Variants in PTGER3 observed in about 807,000 individuals in gnomAD.
The protein encoded by PTGER3 is prostaglandin E2 receptor EP3 subtype.
A neutral mutation model predicts 34.7 loss-of-function variants in PTGER3; 22 were observed. The observed-to-expected ratio is 0.63, with a 90% CI of 0.45 to 0.91. The LOEUF (loss-of-function observed/expected upper bound fraction) is 0.91, where lower values mean the gene tolerates loss of function less well. Ranked by LOEUF, PTGER3 falls within the 40% of genes least tolerant of loss-of-function variation. The pLI, the probability that PTGER3 is intolerant of heterozygous loss-of-function variation, is 0.00. For missense variants in PTGER3, 468 were observed against 519.4 expected (o/e 0.90, Z 0.96); for synonymous variants, 241 against 230.1 (o/e 1.05, Z -0.43).
chr1:70,958,211 G>A (rs1651558618), intron 2 of PTGER3, among the ~76,000 whole-genome samples: 1 of 152,060 alleles, frequency 6.6e-6, no homozygotes, highest in Non-Finnish European at 1.5e-5. Flanking sequence ...TTTGATATAT[G>A]CCCAGTAATG....
chr1:70,868,293 C>T (rs920057671), intron 4 of PTGER3, among the ~76,000 whole-genome samples: 1 of 152,116 alleles, frequency 6.6e-6, no homozygotes, highest in African/African-American at 2.4e-5. Context: ...TCTCTATGCC[C>T]ATGGTGTTTC....
chr1:71,017,911 C>A (rs142036278), intron 1 of PTGER3, among the ~76,000 whole-genome samples: 2 of 152,152 alleles, frequency 1.3e-5, no homozygotes, highest in South Asian at 4.1e-4. Context: ...ATCACAGGCA[C>A]GTGCCACCAG....
intron 4 of PTGER3, among the ~76,000 whole-genome samples, chr1:70,896,927 C>T (rs1646732916): frequency 1.3e-5 from 2 of 152,150 alleles, no homozygotes; most frequent in African/African-American, 4.8e-5. Context: ...AATGCGGACG[C>T]TGGATTTCTT....
chr1:70,919,276 C>A (rs1483059651), intron 4 of PTGER3, among the ~76,000 whole-genome samples: 1 of 152,116 alleles, frequency 6.6e-6, no homozygotes, highest in Non-Finnish European at 1.5e-5. Flanking sequence ...TTTGCCAGTT[C>A]TTTCCTTTCT....
chr1:70,974,045 T>G (rs1334695940), intron 3 of PTGER3, among the ~76,000 whole-genome samples: 1 of 152,184 alleles, frequency 6.6e-6, no homozygotes, highest in African/African-American at 2.4e-5. Context: ...TTACAGATTC[T>G]TTCATGGCAA....
rs1660942433 is a variant in PTGER3, at chr1:71,047,357, G to T, written c.221C>A (p.Ser74Ter). 7 of 1,609,828 alleles carry T rather than the reference G, an allele frequency of 4.3e-6. No homozygotes were observed. The highest frequency in any genetic ancestry group is 5.9e-6 in the Non-Finnish European group (7 of 1,178,816). ...GCTCTCCCGGCGCCGGTAGCTGCGC[G>T]ACACGAGCAGCATGGCCAGTGCGTT... ...VGNALAMLLVSRSYRRRESKR... is the reference protein window; with the variant it reads ...VGNALAMLLV The change falls in exon 1 of 4, where the codon TCG (serine) becomes TAG (stop). Residue 74 changes from serine to a stop codon, truncating the protein, a stop_gained. Transcript: ENST00000306666. LOFTEE classifies it high-confidence loss of function.
At chr1:70,992,412 A>G (rs1378989166) in intron 2 of PTGER3, among the ~76,000 whole-genome samples, 1 of 152,246 alleles carries the variant, frequency 6.6e-6, no homozygotes, top group Non-Finnish European at 1.5e-5. Context: ...AGCCTGATAT[A>G]CACAACAGAT....
chr1:70,861,518 C>T (rs999546482), intron 4 of PTGER3, among the ~76,000 whole-genome samples: 38 of 152,136 alleles, frequency 2.5e-4, no homozygotes, highest in Non-Finnish European at 5.9e-5. Flanking sequence ...GTAGACTTTG[C>T]TAGGCTACTT....
chr1:70,962,500 C>T (rs1274784796), intron 2 of PTGER3, among the ~76,000 whole-genome samples: 1 of 152,126 alleles, frequency 6.6e-6, no homozygotes, highest in Non-Finnish European at 1.5e-5. Context: ...AAAAGACGTT[C>T]AATTGACTCA....
chr1:71,008,806 T>C (rs1657193297), intron 2 of PTGER3: 1 of 951,784 alleles, frequency 1.1e-6, no homozygotes, highest in African/African-American at 1.8e-5. Flanking sequence ...TTTGTACTTG[T>C]TATACAGATA....
chr1:70,983,231 G>A (rs928087071), intron 2 of PTGER3, among the ~76,000 whole-genome samples: 2 of 151,228 alleles, frequency 1.3e-5, no homozygotes, highest in African/African-American at 4.9e-5. Flanking sequence ...TGCTCGAGAG[G>A]GACTGCATTT....
At chr1:70,902,424 A>G (rs1200363782) in intron 4 of PTGER3, among the ~76,000 whole-genome samples, 1 of 152,216 alleles carries the variant, frequency 6.6e-6, no homozygotes, top group Non-Finnish European at 1.5e-5. Flanking sequence ...ATAAAGATGA[A>G]TGAGTCACTA....
At chr1:70,858,605 T>C (rs1645861048) in intron 4 of PTGER3, among the ~76,000 whole-genome samples, 1 of 152,176 alleles carries the variant, frequency 6.6e-6, no homozygotes, top group South Asian at 2.1e-4. Context: ...AGATTTCTTA[T>C]CTTTCAGAAA....
chr1:70,892,103 T>TAC (rs1646630350), intron 4 of PTGER3, among the ~76,000 whole-genome samples: 2 of 152,202 alleles, frequency 1.3e-5, no homozygotes, highest in African/African-American at 4.8e-5. Context: ...ATGTAACCTC[T>TAC]TGTGAAAAAT....
rs1269026496 is a variant in PTGER3, at chr1:71,032,685, T to G, written c.897+13996A>C. Among the ~76,000 whole-genome samples the G allele has an allele frequency of 2.0e-5, 3 of 152,204 alleles. No homozygotes were observed. In the East Asian group the frequency reaches 5.8e-4, roughly 29 times the overall value. The stretch of plus-strand genomic sequence containing the variant: ...CCATCTTCTATAAGGCCACCTCCAC[T>G]CTTCACACTCCTGCAATTTATGTGA... On this transcript the variant is annotated intron_variant, in intron 1 of 3. Coordinates refer to ENST00000306666, the MANE Select transcript of PTGER3 (RefSeq NM_198719.2).
chr1:70,963,488 G>A (rs571764395), intron 2 of PTGER3, among the ~76,000 whole-genome samples: 1 of 152,320 alleles, frequency 6.6e-6, no homozygotes, highest in Non-Finnish European at 1.5e-5. Context: ...TGAAATCCAG[G>A]AAGAGGGGCC....
intron 1 of PTGER3, among the ~76,000 whole-genome samples, chr1:71,040,802 C>T (rs574106296): frequency 2.6e-5 from 4 of 152,172 alleles, no homozygotes; most frequent in South Asian, 2.1e-4. Flanking sequence ...AAGGGAAATG[C>T]GGGGTATCAT....
intron 4 of PTGER3, among the ~76,000 whole-genome samples, chr1:70,898,337 G>C (rs1646766378): frequency 6.7e-6 from 1 of 149,544 alleles, no homozygotes; most frequent in Non-Finnish European, 1.5e-5. Context: ...TCCAGATCAA[G>C]GTGGTAGATT....
At chr1:70,891,247 A>G (rs991585093) in intron 4 of PTGER3, among the ~76,000 whole-genome samples, 5 of 152,238 alleles carry the variant, frequency 3.3e-5, no homozygotes, top group Non-Finnish European at 5.9e-5. Flanking sequence ...CAGGCACTCA[A>G]TTAAGGATTG....
Sources: allele counts gnomAD v4.1 joint callset (sites outside exome capture counted in the v4.1 genomes callset), GRCh38; gene constraint gnomAD v4.1.1; transcripts MANE v1.5; gene names NCBI Gene and HGNC (gene_info 2026-07-23, HGNC 2026-07-21).